The following KNL1 variants were observed in gnomAD, a reference collection of about 807,000 sequenced individuals.
KNL1 encodes kinetochore scaffold 1.
In KNL1, 66 loss-of-function variants were observed where a neutral mutation model predicts 201.3. That is an observed-to-expected ratio of 0.33 (90% CI 0.27 to 0.40). KNL1 has a LOEUF of 0.40. Ranked by LOEUF, KNL1 falls within the 10% of genes least tolerant of loss-of-function variation. The pLI, the probability that KNL1 is intolerant of heterozygous loss-of-function variation, is 1.00. For synonymous variants in KNL1, 895 were observed against 899.2 expected, an observed-to-expected ratio of 1.00 and a Z score of 0.08; for missense variants, 2,815 against 2,690.5, an observed-to-expected ratio of 1.05 and a Z score of -1.02.
chr15:40,650,473 C>T lies in KNL1; in HGVS notation c.6173-71C>T, dbSNP rs1309088807. On this transcript the variant is annotated intron_variant, in intron 18 of 25. Transcript: ENST00000399668. Reference sequence around the variant, plus strand: ...TTTGGTGAGATTAAGTCAGAATTTTCAATAAAACAGATTTTTGTGGCAACA... The same window carrying T: ...TTTGGTGAGATTAAGTCAGAATTTTTAATAAAACAGATTTTTGTGGCAACA... 7 of 1,556,306 alleles carry T rather than the reference C, an allele frequency of 4.5e-6. No individual in the cohort carries two copies. The East Asian group carries it at 1.4e-4, about 31-fold the overall frequency.
At chr15:40,657,699 G>A (rs1484312940) in intron 24 of KNL1, among the ~76,000 whole-genome samples, 1 of 152,116 alleles carries the variant, frequency 6.6e-6, no homozygotes, top group Non-Finnish European at 1.5e-5. Flanking sequence ...CCTTCATGTT[G>A]ACATGGTGTC....
At chr15:40,638,035 G>T (rs919447782) in intron 13 of KNL1, among the ~76,000 whole-genome samples, 96 of 151,944 alleles carry the variant, frequency 6.3e-4, no homozygotes, top group African/African-American at 2.2e-3. Flanking sequence ...AAAAAAATCA[G>T]CCGGGCCTGG....
chr15:40,627,240 C>T (rs889754851), intron 10 of KNL1, among the ~76,000 whole-genome samples: 3 of 152,180 alleles, frequency 2.0e-5, no homozygotes, highest in South Asian at 2.1e-4. Context: ...TTCAGCCAGG[C>T]GCGGTAGCTC....
chr15:40,612,542 G>A (rs375438486), intron 7 of KNL1, among the ~76,000 whole-genome samples: 1 of 152,052 alleles, frequency 6.6e-6, no homozygotes, highest in Admixed American at 6.5e-5. Context: ...TGTTTAGACG[G>A]CATCTTCCTC....
intron 3 of KNL1, among the ~76,000 whole-genome samples, chr15:40,605,671 A>G (rs1891947920): frequency 6.6e-6 from 1 of 152,168 alleles, no homozygotes; most frequent in South Asian, 2.1e-4. Flanking sequence ...GCTGGTCTCA[A>G]ACTCCTGGCC....
chr15:40,652,884 G>A (rs975521470), intron 21 of KNL1, among the ~76,000 whole-genome samples: 7 of 152,116 alleles, frequency 4.6e-5, no homozygotes, highest in Non-Finnish European at 4.4e-5. Flanking sequence ...TATGGTAACT[G>A]GACAGAGGCC....
At chr15:40,659,892 TTATGTGTGTGTGTG>T (rs1893855768) in intron 25 of KNL1, among the ~76,000 whole-genome samples, 1 of 120,096 alleles carries the variant, frequency 8.3e-6, no homozygotes, top group African/African-American at 3.1e-5. Context: ...TTTGAAGAAT[TTATGTGTGTGTGTG>T]TGTGTGTGTG....
chr15:40,613,507 A>G (rs1454162228), intron 7 of KNL1, among the ~76,000 whole-genome samples: 2 of 152,210 alleles, frequency 1.3e-5, no homozygotes, highest in Non-Finnish European at 2.9e-5. Flanking sequence ...TAGAAAAGGT[A>G]CAGAATCAAC....
At chr15:40,597,055 GTTTATC>G (rs1891642023) in intron 1 of KNL1, among the ~76,000 whole-genome samples, 1 of 148,398 alleles carries the variant, frequency 6.7e-6, no homozygotes, top group Admixed American at 6.7e-5. Context: ...ACTGCAAACA[GTTTATC>G]TTTACAGTGA....
rs139073485 is a variant in KNL1 at position 40,636,754 on chromosome 15, C to A, written c.5683-4158C>A. On this transcript the variant is annotated intron_variant, in intron 13 of 25. Transcript: ENST00000399668. ...GCTGAAGTGGGAGAATCACTTGAAC[C>A]CGGGAGATGGAGGCTGCATGAGCTG... Among the ~76,000 whole-genome samples, 545 of 152,236 alleles carry A rather than the reference C, an allele frequency of 3.6e-3. 5 individuals are homozygous for A. Among genetic ancestry groups the A allele is most frequent in the East Asian group, 0.026 (134 of 5,182 alleles).
chr15:40,661,122 C>T (rs915159300), intron 25 of KNL1, among the ~76,000 whole-genome samples: 8 of 152,064 alleles, frequency 5.3e-5, no homozygotes, highest in Non-Finnish European at 1.2e-4. Context: ...GCCTGTAATC[C>T]CAGCACTTTG....
At chr15:40,596,475 A>C (rs1891623016) in intron 1 of KNL1, among the ~76,000 whole-genome samples, 1 of 151,846 alleles carries the variant, frequency 6.6e-6, no homozygotes, top group South Asian at 2.1e-4. Flanking sequence ...ACGGGGTTTC[A>C]CCACGTTGGC....
In KNL1 at chr15:40,622,948, T is replaced by C; in HGVS notation, c.2684T>C (p.Leu895Ser). ...TTATTAGAGAAACGTGATTGTCATTTGGTGCCATTGGCAGGAACTTCTGAA... is the reference window on the plus strand; with the variant it reads ...TTATTAGAGAAACGTGATTGTCATTCGGTGCCATTGGCAGGAACTTCTGAA... The part of the protein sequence containing the change: ...RPLLEKRDCH[L>S]VPLAGTSETI... Residue 895 changes from leucine to serine, a missense_variant, in exon 10 of 26, where the codon TTG (leucine) becomes TCG (serine). Leu to Ser is a moderately radical substitution (Grantham distance 145, BLOSUM62 -2). This residue lies in a region of KNL1 where 2,464 missense variants were observed against 2,291.7 expected (regional missense o/e 1.08). Transcript: ENST00000399668. 3 of 1,613,664 alleles carry C rather than the reference T, an allele frequency of 1.9e-6. No individual in the cohort carries two copies. The highest frequency in any genetic ancestry group is 1.7e-6 in the Non-Finnish European group (2 of 1,179,776).
intron 8 of KNL1, 139 bp downstream of exon 8, chr15:40,615,517 C>A: frequency 3.7e-6 from 1 of 267,368 alleles, no homozygotes; most frequent in Non-Finnish European, 7.5e-6. Flanking sequence ...GCCTGTAATC[C>A]CAGTATTTTG....
At chr15:40,600,500 G>A (rs963434639) in intron 1 of KNL1, among the ~76,000 whole-genome samples, 5 of 152,198 alleles carry the variant, frequency 3.3e-5, no homozygotes, top group South Asian at 2.1e-4. Context: ...AAGACAGACA[G>A]TTTAATGGCT....
chr15:40,625,774 G>A (rs1892734639), intron 10 of KNL1, 134 bp downstream of exon 10: 4 of 657,068 alleles, frequency 6.1e-6, no homozygotes, highest in Admixed American at 5.9e-5. Context: ...TAGAGGGCTG[G>A]AGAAATATTC....
chr15:40,620,875 A>G lies in KNL1; in HGVS notation c.611A>G (p.Asp204Gly). The change falls in exon 10 of 26, where the codon GAT becomes GGT. Residue 204 changes from aspartate to glycine, a missense_variant. Physicochemically the swap from Asp to Gly is moderately conservative, Grantham distance 94 (BLOSUM62 -1). Coordinates refer to ENST00000399668, the MANE Select transcript of KNL1 (RefSeq NM_144508.5). ...AAAAAAGAAGTAAATTTTTCCGTGG[A>G]TCAAAACACTTCTTCAGAAAATAAA... Reference protein sequence around the residue: ...RMKKEVNFSVDQNTSSENKID... With the variant: ...RMKKEVNFSVGQNTSSENKID... 6.3e-7 allele frequency: 1 copy of G among 1,598,074 alleles called. No individual in the cohort carries two copies. Among genetic ancestry groups the G allele is most frequent in the Non-Finnish European group, 8.5e-7 (1 of 1,175,194 alleles).
chr15:40,645,391 C>A (rs1893355203), intron 15 of KNL1, among the ~76,000 whole-genome samples: 1 of 152,182 alleles, frequency 6.6e-6, no homozygotes, highest in Non-Finnish European at 1.5e-5. Flanking sequence ...AAATAGCAAG[C>A]AACCCATTTT....
At chr15:40,653,347 C>T (rs145822904) in intron 21 of KNL1, among the ~76,000 whole-genome samples, 1 of 152,266 alleles carries the variant, frequency 6.6e-6, no homozygotes, top group Non-Finnish European at 1.5e-5. Flanking sequence ...CGCCACCACA[C>T]CCGGCTAATT....
Sources: allele counts gnomAD v4.1 joint callset (sites outside exome capture counted in the v4.1 genomes callset), GRCh38; gene constraint gnomAD v4.1.1; regional missense constraint gnomAD v4.1.1; transcripts MANE v1.5; gene names NCBI Gene and HGNC (gene_info 2026-07-23, HGNC 2026-07-21).